ACVR1C: variants seen among roughly 807,000 people sequenced by gnomAD.
ACVR1C encodes activin receptor type-1C.
Under a neutral mutation model 57.9 loss-of-function variants are expected in ACVR1C, and 23 were observed. The ratio of observed to expected loss-of-function variants is 0.40; its 90% CI spans 0.29 to 0.56. The LOEUF (loss-of-function observed/expected upper bound fraction) is 0.56. Among genes scored for constraint, ACVR1C ranks in the 20% least tolerant of loss-of-function variants. ACVR1C has a pLI of 0.50. For missense variants in ACVR1C, 480 were observed against 607.9 expected, an observed-to-expected ratio of 0.79 and a Z score of 2.21; for synonymous variants, 214 against 215.3, an observed-to-expected ratio of 0.99 and a Z score of 0.05.
chr2:157,583,430 T>C (rs765154716), intron 2 of ACVR1C, among the ~76,000 whole-genome samples: 1 of 152,214 alleles, frequency 6.6e-6, no homozygotes, highest in African/African-American at 2.4e-5. Flanking sequence ...AGTTCAATAT[T>C]GTGAACATGA....
At chr2:157,600,474 G>A (rs1682255679) in intron 1 of ACVR1C, among the ~76,000 whole-genome samples, 3 of 152,184 alleles carry the variant, frequency 2.0e-5, no homozygotes, top group Admixed American at 1.3e-4. Flanking sequence ...ATATTACACA[G>A]TTACAAGATT....
At chr2:157,544,967 T>C (rs1687715949) in intron 4 of ACVR1C, among the ~76,000 whole-genome samples, 3 of 152,314 alleles carry the variant, frequency 2.0e-5, no homozygotes, top group Admixed American at 1.3e-4. Flanking sequence ...GTGTGTGTTA[T>C]AAACTACTCT....
rs549527320 is a variant in ACVR1C, at chr2:157,547,739, C to T, written c.775+2423G>A. Among the ~76,000 whole-genome samples the T allele has an allele frequency of 5.4e-3, 809 of 148,608 alleles. 4 individuals carry two copies. Among genetic ancestry groups the T allele is most frequent in the African/African-American group, 0.019 (742 of 38,850 alleles). On this transcript the variant is annotated intron_variant, in intron 4 of 8. Transcript: ENST00000243349. ...ATTAGCCCTTTGTCAGATGAGTAGG[C>T]TGCGAAAATTTTCTCCCATTTTGTA...
At chr2:157,577,785 C>T in intron 2 of ACVR1C, among the ~76,000 whole-genome samples, 1 of 152,044 alleles carries the variant, frequency 6.6e-6, no homozygotes, top group East Asian at 1.9e-4. Flanking sequence ...TATTTGGGTG[C>T]TTTCTCTTTG....
intron 2 of ACVR1C, among the ~76,000 whole-genome samples, chr2:157,562,192 G>A (rs1442749762): frequency 1.3e-5 from 2 of 151,594 alleles, no homozygotes; most frequent in African/African-American, 4.8e-5. Flanking sequence ...CTACTTGGGA[G>A]GCTGAGGTAG....
At chr2:157,599,251 G>A (rs1203783972) in intron 1 of ACVR1C, among the ~76,000 whole-genome samples, 1 of 144,686 alleles carries the variant, frequency 6.9e-6, no homozygotes, top group Non-Finnish European at 1.5e-5. Flanking sequence ...GGAGAATGGC[G>A]TGAACCCGAG....
rs989950167 is a variant in ACVR1C, at chr2:157,529,109, G to A, written c.*4809C>T. 1 of 152,054 alleles carries A rather than the reference G, an allele frequency of 6.6e-6. No homozygotes were observed. Among genetic ancestry groups the A allele is most frequent in the African/African-American group, 2.4e-5 (1 of 41,424 alleles). 9.4% of individuals were successfully genotyped at this position (152,054 alleles called of 1,614,324 possible). A position where few individuals can be genotyped will look rare whatever the true frequency, so the allele number is the denominator to read the frequency against. On this transcript the variant is annotated 3_prime_UTR_variant, in exon 9 of 9. Transcript: ENST00000243349. Reference sequence around the variant, plus strand: ...AGAAAAGTTAGATAATATCCCACTGGACATAGTCCCAAATTCAGCTATCAA... The same window carrying A: ...AGAAAAGTTAGATAATATCCCACTGAACATAGTCCCAAATTCAGCTATCAA...
At chr2:157,577,633 A>G (rs1688695304) in intron 2 of ACVR1C, among the ~76,000 whole-genome samples, 1 of 152,096 alleles carries the variant, frequency 6.6e-6, no homozygotes, top group African/African-American at 2.4e-5. Flanking sequence ...CAATAATTTC[A>G]ACATTTCTGT....
Position 157,532,770 on chromosome 2 carries a change from A to G in ACVR1C, c.*1148T>C, listed in dbSNP as rs998603104. ...CCGTCTGTAGGGTTTGGTTGTTAAC[A>G]CTTCATTGAAGAGTTTTCTTAATTC... is the stretch of plus-strand genomic sequence containing the variant. On this transcript the variant is annotated 3_prime_UTR_variant, in exon 9 of 9. Coordinates refer to ENST00000243349, the MANE Select transcript of ACVR1C (RefSeq NM_145259.3). 6.6e-6 allele frequency: 1 copy of G among 152,152 alleles called. No homozygotes were observed. Among genetic ancestry groups the G allele is most frequent in the African/African-American group, 2.4e-5 (1 of 41,436 alleles). 9.4% of individuals were successfully genotyped at this position (152,152 alleles called of 1,614,324 possible).
At position 157,556,119 on chromosome 2, in the gene ACVR1C, T is replaced by C; in HGVS notation, c.518A>G (p.Asp173Gly). The part of the protein sequence containing the change: ...AGKTLKDLIY[D>G]VTASGSGSGL... ...AGAGCCAGATCCAGAGGCGGTCACA[T>C]CATAAATCAGATCTTTCAGAGTTTT... Residue 173 changes from aspartate (D) to glycine (G), a missense_variant, in exon 3 of 9, where the codon GAT becomes GGT. Coordinates refer to ENST00000243349, the MANE Select transcript of ACVR1C (RefSeq NM_145259.3). 1 of 1,614,090 alleles carries C rather than the reference T, an allele frequency of 6.2e-7. No individual in the cohort carries two copies. Among genetic ancestry groups the C allele is most frequent in the African/African-American group, 1.3e-5 (1 of 75,032 alleles).
chr2:157,608,764 T>C (rs1044025085), intron 1 of ACVR1C, among the ~76,000 whole-genome samples: 4 of 151,942 alleles, frequency 2.6e-5, no homozygotes, highest in Admixed American at 6.6e-5. Context: ...TGTTACTTTA[T>C]AGTTGTTCAT....
rs760582069 is a variant in ACVR1C at position 157,556,002 on chromosome 2, T to C, written c.544+91A>G. Reference sequence around the variant, plus strand: ...ATGTATCCTTTCAAGACGGAATTCATAATATTTGGGCCCTTTTTGTTAAAA... The same window carrying C: ...ATGTATCCTTTCAAGACGGAATTCACAATATTTGGGCCCTTTTTGTTAAAA... On this transcript the variant is annotated intron_variant, in intron 3 of 8. Coordinates refer to ENST00000243349, the MANE Select transcript of ACVR1C (RefSeq NM_145259.3). The C allele has an allele frequency of 1.1e-4, 153 of 1,397,778 alleles. 1 individual carries two copies. Among genetic ancestry groups the C allele is most frequent in the Non-Finnish European group, 1.4e-4 (148 of 1,047,306 alleles). 86.6% of individuals were successfully genotyped at this position (1,397,778 alleles called of 1,614,324 possible).
intron 2 of ACVR1C, among the ~76,000 whole-genome samples, chr2:157,583,553 C>A (rs1389355583): frequency 6.6e-6 from 1 of 152,076 alleles, no homozygotes; most frequent in African/African-American, 2.4e-5. Flanking sequence ...ATGCAAAGGA[C>A]TTATAATAGG....
intron 2 of ACVR1C, among the ~76,000 whole-genome samples, chr2:157,579,082 T>A (rs1232533646): frequency 6.6e-6 from 1 of 152,236 alleles, no homozygotes; most frequent in East Asian, 1.9e-4. Flanking sequence ...GTAGTTTTAC[T>A]ATAATGTGTT....
chr2:157,536,148 T>C (rs1033721145), intron 8 of ACVR1C, among the ~76,000 whole-genome samples: 3 of 151,464 alleles, frequency 2.0e-5, no homozygotes, highest in African/African-American at 7.3e-5. Context: ...ATATAGAAAA[T>C]ATGAGTGAAT....
intron 1 of ACVR1C, among the ~76,000 whole-genome samples, chr2:157,626,817 C>T (rs772338829): frequency 6.6e-6 from 1 of 152,204 alleles, no homozygotes; most frequent in Non-Finnish European, 1.5e-5. Flanking sequence ...AATGATTGCA[C>T]TTGACATAGA....
At chr2:157,552,059 C>T (rs1687936557) in intron 3 of ACVR1C, among the ~76,000 whole-genome samples, 2 of 152,220 alleles carry the variant, frequency 1.3e-5, no homozygotes, top group Non-Finnish European at 2.9e-5. Flanking sequence ...AGAACTAAAA[C>T]ACTGATCTTC....
chr2:157,578,787 TGAG>T (rs1415718238), intron 2 of ACVR1C, among the ~76,000 whole-genome samples: 2 of 152,214 alleles, frequency 1.3e-5, no homozygotes, highest in Non-Finnish European at 1.5e-5. Context: ...TTCTTGCTAT[TGAG>T]AAGACAATGT....
intron 1 of ACVR1C, among the ~76,000 whole-genome samples, chr2:157,606,554 G>A (rs1378495836): frequency 6.6e-6 from 1 of 151,814 alleles, no homozygotes; most frequent in African/African-American, 2.4e-5. Flanking sequence ...GATGATTAGT[G>A]ATGTTCAGCA....
Sources: allele counts gnomAD v4.1 joint callset (sites outside exome capture counted in the v4.1 genomes callset), GRCh38; gene constraint gnomAD v4.1.1; transcripts MANE v1.5; gene names NCBI Gene and HGNC (gene_info 2026-07-23, HGNC 2026-07-21).